Variants in ZNF248 observed in about 807,000 individuals in gnomAD.
ZNF248 encodes zinc finger protein 248.
Under a neutral mutation model 44.3 loss-of-function variants are expected in ZNF248, and 20 were observed. The observed-to-expected ratio is 0.45, with a 90% CI of 0.32 to 0.66. The LOEUF (loss-of-function observed/expected upper bound fraction) is 0.66. Among genes scored for constraint, ZNF248 ranks in the 30% least tolerant of loss-of-function variants. ZNF248 has a pLI of 0.04. For synonymous variants in ZNF248, 224 were observed against 229.0 expected (o/e 0.98, Z 0.20); for missense variants, 654 against 677.0 (o/e 0.97, Z 0.38).
In ZNF248 at chr10:37,828,912, T is replaced by C; in HGVS notation, c.*2703A>G. 1 of 985,364 alleles carries C rather than the reference T, an allele frequency of 1.0e-6. No homozygotes were observed. The allele number at this position is 985,364 out of a possible 1,614,324, so 61.0% of individuals were successfully genotyped here. A position where few individuals can be genotyped will look rare whatever the true frequency, so the allele number is the denominator to read the frequency against. ...TTGAAGGAGAGACATACCTGTGTAG[T>C]TCCAAAGGGAGTTTACTTATGCTAA... is the stretch of plus-strand genomic sequence containing the variant. On this transcript the variant is annotated 3_prime_UTR_variant, in exon 6 of 6. Transcript: ENST00000395867.
downstream of ZNF248, among the ~76,000 whole-genome samples, chr10:37,824,869 T>A (rs2054119858): frequency 6.8e-6 from 1 of 146,568 alleles, no homozygotes. Flanking sequence ...TTTTTTTTTT[T>A]AGTAGAGACG....
At chr10:37,842,317 C>T (rs1163331424) in intron 3 of ZNF248, among the ~76,000 whole-genome samples, 2 of 152,146 alleles carry the variant, frequency 1.3e-5, no homozygotes, top group African/African-American at 4.8e-5. Flanking sequence ...CATCAAAAAA[C>T]AAGCAGAAAC....
At position 37,809,972 on chromosome 10, in the gene ZNF248, ATAAC is replaced by A. The variant is rs2051233012; in HGVS notation, c.330+23049_330+23052del. On this transcript the variant is annotated intron_variant, in intron 6 of 6. Transcript: ENST00000615949. Reference sequence around the variant, plus strand: ...CCTAACATATGGTTTACCCTGGAGAATAACTAACGTGCATTTGAGAAGAATAGGT... The same window carrying A: ...CCTAACATATGGTTTACCCTGGAGAATAACGTGCATTTGAGAAGAATAGGT... 2.0e-5 allele frequency among the ~76,000 whole-genome samples: 3 copies of A among 152,210 alleles called. No individual in the cohort carries two copies. The South Asian group carries it at 6.2e-4, about 31-fold the overall frequency.
intron 6 of ZNF248, among the ~76,000 whole-genome samples, chr10:37,817,807 T>C (rs1348733208): frequency 6.6e-6 from 1 of 152,234 alleles, no homozygotes; most frequent in African/African-American, 2.4e-5. Context: ...AGCTGAGCCT[T>C]TGTGCTACAA....
rs2134763685 is a variant in ZNF248 at position 37,851,713 on chromosome 10, G to T, written c.15+4583C>A. ...TACAGGCAGAAAATACACATGAAAAGATTTTCATGCAAATAAATAACAAAA... is the reference window on the plus strand; with the variant it reads ...TACAGGCAGAAAATACACATGAAAATATTTTCATGCAAATAAATAACAAAA... On this transcript the variant is annotated intron_variant, in intron 3 of 5. Coordinates refer to ENST00000395867, the MANE Select transcript of ZNF248 (RefSeq NM_021045.3). Among the ~76,000 whole-genome samples, 3 of 106,054 alleles carry T rather than the reference G, an allele frequency of 2.8e-5. 1 individual carries two copies. The highest frequency in any genetic ancestry group is 3.7e-5 in the African/African-American group (1 of 27,370). The allele number at this position is 106,054 out of a possible 152,430, so 69.6% of individuals were successfully genotyped here.
At chr10:37,781,824 G>A (rs777050919) in intron 6 of ZNF248, among the ~76,000 whole-genome samples, 39 of 152,296 alleles carry the variant, frequency 2.6e-4, no homozygotes, top group African/African-American at 5.3e-4. Flanking sequence ...GAACAGTGAA[G>A]CACTCCTGTC....
In ZNF248 at chr10:37,831,339, T is replaced by G. The variant is rs138120850; in HGVS notation, c.*276A>C. Reference sequence around the variant, plus strand: ...TGTGAATATGGGTATAAATAAATATTGTCCATTATATTTGCAACAAAATTT... The same window carrying G: ...TGTGAATATGGGTATAAATAAATATGGTCCATTATATTTGCAACAAAATTT... On this transcript the variant is annotated 3_prime_UTR_variant, in exon 6 of 6. Transcript: ENST00000395867. 2.9e-4 allele frequency: 452 copies of G among 1,548,536 alleles called. 3 individuals are homozygous for G. The East Asian group carries it at 9.2e-3, about 32-fold the overall frequency.
At chr10:37,815,969 T>C (rs1385659646) in intron 6 of ZNF248, among the ~76,000 whole-genome samples, 1 of 144,774 alleles carries the variant, frequency 6.9e-6, no homozygotes, top group Non-Finnish European at 1.5e-5. Context: ...TCCCAGTCCT[T>C]ACATTTCTGG....
At chr10:37,790,367 C>G (rs1284093617) in intron 6 of ZNF248, among the ~76,000 whole-genome samples, 1 of 151,514 alleles carries the variant, frequency 6.6e-6, no homozygotes, top group African/African-American at 2.4e-5. Flanking sequence ...ATCGCTTGAG[C>G]CTGGGAGTTC....
At chr10:37,842,827 CCAT>C (rs2058588282) in intron 3 of ZNF248, among the ~76,000 whole-genome samples, 1 of 152,038 alleles carries the variant, frequency 6.6e-6, no homozygotes, top group African/African-American at 2.4e-5. Context: ...TCAAAAAACC[CCAT>C]ATATACTGAG....
chr10:37,780,690 G>T (rs1274104320), intron 6 of ZNF248, among the ~76,000 whole-genome samples: 1 of 152,108 alleles, frequency 6.6e-6, no homozygotes, highest in East Asian at 1.9e-4. Flanking sequence ...CGCGCACCCC[G>T]CGCGGGGCCT....
At chr10:37,760,306 T>C in the ZNF248 span, among the ~76,000 whole-genome samples, 4 of 152,116 alleles carry the variant, frequency 2.6e-5, no homozygotes, top group Admixed American at 2.6e-4. Context: ...CACAGCTCAC[T>C]GTAGTCTCAA....
intron 6 of ZNF248, among the ~76,000 whole-genome samples, chr10:37,786,549 G>A (rs905509458): frequency 2.6e-5 from 4 of 152,142 alleles, no homozygotes; most frequent in Non-Finnish European, 4.4e-5. Context: ...AATTAAAAAT[G>A]TAGACATAAT....
intron 6 of ZNF248, chr10:37,820,138 T>C: frequency 9.4e-7 from 1 of 1,065,124 alleles, no homozygotes; most frequent in Non-Finnish European, 1.5e-6. Flanking sequence ...TCTTAATAAA[T>C]CATCTATTCT....
chr10:37,797,600 T>C (rs535610887), intron 6 of ZNF248, among the ~76,000 whole-genome samples: 2 of 152,282 alleles, frequency 1.3e-5, no homozygotes, highest in Admixed American at 1.3e-4. Flanking sequence ...AAAATTCTTA[T>C]ATCCCAACAA....
intron 3 of ZNF248, among the ~76,000 whole-genome samples, chr10:37,839,330 T>C (rs1432524278): frequency 6.6e-6 from 1 of 152,138 alleles, no homozygotes; most frequent in Admixed American, 6.5e-5. Context: ...CTACAATAAA[T>C]CATAGCCATA....
intron 5 of ZNF248, among the ~76,000 whole-genome samples, chr10:37,835,688 G>A (rs934049897): frequency 6.6e-6 from 1 of 152,160 alleles, no homozygotes; most frequent in East Asian, 1.9e-4. Context: ...ATAAGGAAAA[G>A]AAAGAAGATG....
chr10:37,828,617 C>A (rs757907222), downstream of ZNF248: 2 of 927,762 alleles, frequency 2.2e-6, no homozygotes, highest in African/African-American at 1.8e-5. Flanking sequence ...GTAAATGCCA[C>A]CCCGTGATCA....
chr10:37,843,949 C>G lies in ZNF248; in HGVS notation c.16-5838G>C, dbSNP rs114930672. On this transcript the variant is annotated intron_variant, in intron 3 of 5. Coordinates refer to ENST00000395867, the MANE Select transcript of ZNF248 (RefSeq NM_021045.3). ...ACCTTTGAGTGGACTATCTATCATA[C>G]AATTACAGGAGTCCCAGAAGGAAAA... 6.1e-3 allele frequency among the ~76,000 whole-genome samples: 922 copies of G among 151,938 alleles called. 10 individuals are homozygous for G. Among genetic ancestry groups the G allele is most frequent in the African/African-American group, 0.021 (881 of 41,420 alleles).
Sources: gnomAD v4.1 joint callset for allele counts (sites outside exome capture counted in the v4.1 genomes callset) on GRCh38, gnomAD v4.1.1 for gene constraint, MANE v1.5 for transcripts, NCBI Gene and HGNC (gene_info 2026-07-23, HGNC 2026-07-21) for gene names.